The following PDE4D variants were observed in gnomAD, a reference collection of about 807,000 sequenced individuals.
The protein encoded by PDE4D is phosphodiesterase 4D.
In PDE4D, 24 loss-of-function variants were observed where a neutral mutation model predicts 87.4. The ratio of observed to expected loss-of-function variants is 0.27; its 90% CI spans 0.20 to 0.39. PDE4D has a LOEUF of 0.39. PDE4D is among the 10% of genes least tolerant of loss of function. The pLI is 1.00. For synonymous variants in PDE4D, 384 were observed against 383.2 expected, an observed-to-expected ratio of 1.00 and a Z score of -0.02; for missense variants, 714 against 1,041.0, an observed-to-expected ratio of 0.69 and a Z score of 4.32.
intron 2 of PDE4D, among the ~76,000 whole-genome samples, chr5:60,129,648 A>G (rs1033410072): frequency 1.3e-5 from 2 of 152,188 alleles, no homozygotes; most frequent in Non-Finnish European, 2.9e-5. Flanking sequence ...TCAAAATACC[A>G]TAGACCTGAG....
chr5:60,519,695 C>T (rs1166302473), intron 1 of PDE4D, among the ~76,000 whole-genome samples: 1 of 152,158 alleles, frequency 6.6e-6, no homozygotes, highest in Non-Finnish European at 1.5e-5. Flanking sequence ...GTAACTGTCT[C>T]CAAAAGTGCC....
At chr5:60,253,666 C>T (rs1193032253) in intron 1 of PDE4D, among the ~76,000 whole-genome samples, 1 of 151,896 alleles carries the variant, frequency 6.6e-6, no homozygotes, top group African/African-American at 2.4e-5. Flanking sequence ...GGAGAAAAAG[C>T]ACAGCCAACT....
chr5:59,575,834 C>A (rs1823051998), intron 1 of PDE4D, among the ~76,000 whole-genome samples: 1 of 152,068 alleles, frequency 6.6e-6, no homozygotes, highest in Admixed American at 6.6e-5. Flanking sequence ...GAAAATCCAT[C>A]CTGTATAAGG....
At chr5:59,895,021 T>C (rs954409829), upstream of PDE4D, among the ~76,000 whole-genome samples, 4 of 152,216 alleles carry the variant, frequency 2.6e-5, no homozygotes, top group African/African-American at 9.7e-5. Flanking sequence ...AACGATAATA[T>C]ATTTAGGACT....
intron 2 of PDE4D, among the ~76,000 whole-genome samples, chr5:60,091,781 G>A (rs373049487): frequency 2.6e-5 from 4 of 152,060 alleles, no homozygotes; most frequent in South Asian, 2.1e-4. Context: ...GGCCGGGCGC[G>A]GTGGCTCACG....
At chr5:59,357,909 G>C (rs1408655305) in intron 1 of PDE4D, among the ~76,000 whole-genome samples, 1 of 152,172 alleles carries the variant, frequency 6.6e-6, no homozygotes, top group Non-Finnish European at 1.5e-5. Context: ...AACCAAGGGA[G>C]AGCGCCACTT....
At chr5:58,978,225 G>T (rs1475993886) in intron 11 of PDE4D, among the ~76,000 whole-genome samples, 2 of 108,374 alleles carry the variant, frequency 1.8e-5, no homozygotes, top group African/African-American at 3.3e-5. Flanking sequence ...GACCAGCCTG[G>T]TCAACATAGG....
chr5:59,384,216 T>A (rs187368), intron 1 of PDE4D, among the ~76,000 whole-genome samples: 57,469 of 151,986 alleles, frequency 0.38, 12,267 homozygotes, highest in African/African-American at 0.59. Flanking sequence ...CTATTTTATT[T>A]TTACTTAACA....
rs148205476 is a variant in PDE4D at position 59,435,279 on chromosome 5, T to C, written c.456-219311A>G. ...GAGTCCTTTGCTTGAAATTATCCAA[T>C]AGTTCCACATTATTTAGTAATGAAG... On this transcript the variant is annotated intron_variant, in intron 1 of 14. Coordinates refer to ENST00000340635, the MANE Select transcript of PDE4D (RefSeq NM_001104631.2). Among the ~76,000 whole-genome samples the C allele has an allele frequency of 7.9e-3, 1,202 of 152,260 alleles. 8 individuals carry two copies. The highest frequency in any genetic ancestry group is 0.013 in the Non-Finnish European group (879 of 68,010).
At chr5:59,357,455 C>A (rs1203124348) in intron 1 of PDE4D, among the ~76,000 whole-genome samples, 1 of 152,050 alleles carries the variant, frequency 6.6e-6, no homozygotes, top group Non-Finnish European at 1.5e-5. Flanking sequence ...AGGATTTACT[C>A]GTCTTGAAAA....
At chr5:59,702,929 C>T (rs933148463) in intron 1 of PDE4D, among the ~76,000 whole-genome samples, 7 of 146,432 alleles carry the variant, frequency 4.8e-5, no homozygotes, top group African/African-American at 1.8e-4. Context: ...AGCCAAAATG[C>T]ATCCAAGTAT....
chr5:59,967,975 CTTTTTTTTTTT>C (rs34199262), intron 3 of PDE4D, among the ~76,000 whole-genome samples: 1 of 52,686 alleles, frequency 1.9e-5, no homozygotes, highest in Admixed American at 3.1e-4. Flanking sequence ...GAGCCATATG[CTTTTTTTTTTT>C]TTTTTTTTTT....
At chr5:59,819,264 T>G (rs1333235953) in intron 1 of PDE4D, among the ~76,000 whole-genome samples, 2 of 152,178 alleles carry the variant, frequency 1.3e-5, no homozygotes, top group African/African-American at 4.8e-5. Flanking sequence ...CAGGTTTTAT[T>G]TTGAGTATTC....
chr5:59,043,816 T>C (rs1247502238), intron 5 of PDE4D, among the ~76,000 whole-genome samples: 3 of 152,152 alleles, frequency 2.0e-5, no homozygotes, highest in Non-Finnish European at 4.4e-5. Context: ...TTTGGTTTTT[T>C]GTCCTTGTGA....
At chr5:59,365,131 A>G (rs1782844507) in intron 1 of PDE4D, among the ~76,000 whole-genome samples, 2 of 152,224 alleles carry the variant, frequency 1.3e-5, no homozygotes, top group South Asian at 4.1e-4. Context: ...ATAAAAAATA[A>G]CATGAGCTCT....
intron 2 of PDE4D, among the ~76,000 whole-genome samples, chr5:60,105,044 T>A (rs180732841): frequency 6.6e-6 from 1 of 152,244 alleles, no homozygotes; most frequent in Non-Finnish European, 1.5e-5. Flanking sequence ...GAAGAAGGCT[T>A]CAGACAATCA....
At chr5:59,187,549 G>T (rs966040170) in intron 3 of PDE4D, among the ~76,000 whole-genome samples, 1 of 152,062 alleles carries the variant, frequency 6.6e-6, no homozygotes, top group Non-Finnish European at 1.5e-5. Flanking sequence ...ATAATTACAA[G>T]CTATATTCCC....
chr5:59,034,515 C>T (rs1580429218), intron 6 of PDE4D, among the ~76,000 whole-genome samples: 1 of 152,082 alleles, frequency 6.6e-6, no homozygotes, highest in Non-Finnish European at 1.5e-5. Context: ...TTATAACACC[C>T]CTCTTGCCCA....
chr5:60,062,659 C>T (rs1377615902), intron 2 of PDE4D, among the ~76,000 whole-genome samples: 1 of 152,058 alleles, frequency 6.6e-6, no homozygotes, highest in East Asian at 1.9e-4. Flanking sequence ...AGACATAGAA[C>T]CAACCCAAAT....
Sources: allele counts gnomAD v4.1 joint callset (sites outside exome capture counted in the v4.1 genomes callset), GRCh38; gene constraint gnomAD v4.1.1; transcripts MANE v1.5; gene names NCBI Gene and HGNC (gene_info 2026-07-23, HGNC 2026-07-21).